Variants in EIF3E observed in about 807,000 individuals in gnomAD.
EIF3E encodes eIF-3 p48.
In EIF3E, 25 loss-of-function variants were observed where a neutral mutation model predicts 59.3. That is an observed-to-expected ratio of 0.42 (90% CI 0.31 to 0.59). The LOEUF (loss-of-function observed/expected upper bound fraction) is 0.59, where lower values mean the gene tolerates loss of function less well. Among genes scored for constraint, EIF3E ranks in the 20% least tolerant of loss-of-function variants. EIF3E has a pLI of 0.15. For synonymous variants in EIF3E, 176 were observed against 170.2 expected, an observed-to-expected ratio of 1.03 and a Z score of -0.26; for missense variants, 317 against 534.3, an observed-to-expected ratio of 0.59 and a Z score of 4.01.
At chr8:108,217,110 A>G (rs1815319116) in intron 8 of EIF3E, among the ~76,000 whole-genome samples, 1 of 152,176 alleles carries the variant, frequency 6.6e-6, no homozygotes, top group Non-Finnish European at 1.5e-5. Flanking sequence ...GTGTTCATCT[A>G]GCAGACAGTA....
At chr8:108,217,102 GT>G (rs1296128743) in intron 8 of EIF3E, among the ~76,000 whole-genome samples, 1 of 152,090 alleles carries the variant, frequency 6.6e-6, no homozygotes, top group East Asian at 1.9e-4. Context: ...TATATTAAGT[GT>G]TCATCTAGCA....
chr8:108,248,589 C>T (rs375387468), intron 1 of EIF3E, 24 bp downstream of exon 1: 55 of 1,612,810 alleles, frequency 3.4e-5, no homozygotes, highest in Non-Finnish European at 3.8e-5. Flanking sequence ...CCCACGCCTT[C>T]CTTGCGCCCA....
chr8:108,245,784 C>T (rs1815936825), intron 1 of EIF3E, among the ~76,000 whole-genome samples: 1 of 152,124 alleles, frequency 6.6e-6, no homozygotes, highest in African/African-American at 2.4e-5. Context: ...TCATAAAAAG[C>T]CTTTATGCCA....
chr8:108,232,211 G>A (rs1353787961), intron 5 of EIF3E, among the ~76,000 whole-genome samples: 1 of 152,092 alleles, frequency 6.6e-6, no homozygotes, highest in African/African-American at 2.4e-5. Flanking sequence ...ATTCTTTTAA[G>A]CTTGGCACTG....
intron 7 of EIF3E, chr8:108,227,769 A>G (rs1341026246): frequency 1.3e-5 from 2 of 152,216 alleles, no homozygotes; most frequent in African/African-American, 2.4e-5. Context: ...TGGAAGAGTA[A>G]ATTTTACAAA....
At chr8:108,204,782 C>CAGAG (rs1180539617) in intron 10 of EIF3E, among the ~76,000 whole-genome samples, 4 of 113,136 alleles carry the variant, frequency 3.5e-5, no homozygotes, top group Non-Finnish European at 5.4e-5. Flanking sequence ...GAGAGAGAGA[C>CAGAG]AGAGAGAGAG....
intron 1 of EIF3E, chr8:108,243,349 G>C (rs552427004): frequency 6.6e-6 from 1 of 152,436 alleles, no homozygotes; most frequent in Non-Finnish European, 1.5e-5. Flanking sequence ...TAAGGATGTC[G>C]CCAGGCGCAG....
intron 3 of EIF3E, among the ~76,000 whole-genome samples, chr8:108,237,868 T>C (rs1019103429): frequency 4.6e-5 from 7 of 152,214 alleles, no homozygotes; most frequent in African/African-American, 1.7e-4. Context: ...ATACTATATA[T>C]TCAATGAAAT....
intron 10 of EIF3E, among the ~76,000 whole-genome samples, chr8:108,212,718 CT>C (rs1815235155): frequency 6.6e-6 from 1 of 152,164 alleles, no homozygotes; most frequent in African/African-American, 2.4e-5. Flanking sequence ...ACGAGAATCT[CT>C]TGAACGCGAG....
At chr8:108,248,340 AATG>A (rs1815988415) in intron 1 of EIF3E, among the ~76,000 whole-genome samples, 1 of 152,164 alleles carries the variant, frequency 6.6e-6, no homozygotes, top group Admixed American at 6.5e-5. Context: ...TCCGAGAAGA[AATG>A]ATGCGAAAAT....
Position 108,241,988 on chromosome 8 carries a change from A to T in EIF3E, c.91-75T>A, listed in dbSNP as rs925026819. The T allele has an allele frequency of 6.6e-6, 8 of 1,212,190 alleles. No individual in the cohort carries two copies. The African/African-American group carries it at 9.3e-5, about 14-fold the overall frequency. The allele number at this position is 1,212,190 out of a possible 1,614,324, so 75.1% of individuals were successfully genotyped here. ...AACTGATTAATACTAAAACTAATTTACCTGGAAATATATTTCAAGAAATAC... is the reference window on the plus strand; with the variant it reads ...AACTGATTAATACTAAAACTAATTTTCCTGGAAATATATTTCAAGAAATAC... On this transcript the variant is annotated intron_variant, in intron 1 of 12. Transcript: ENST00000220849.
chr8:108,224,792 A>T (rs73306530), intron 7 of EIF3E, among the ~76,000 whole-genome samples: 3 of 151,272 alleles, frequency 2.0e-5, no homozygotes, highest in Non-Finnish European at 4.4e-5. Context: ...AAAAATTACT[A>T]AACTATAAAC....
At chr8:108,219,315 CA>C (rs1313846541) in intron 7 of EIF3E, among the ~76,000 whole-genome samples, 14 of 152,002 alleles carry the variant, frequency 9.2e-5, no homozygotes, top group Non-Finnish European at 1.9e-4. Flanking sequence ...CAGAAGCCAG[CA>C]AAATTTTTGT....
rs1586187140 is a variant in EIF3E at position 108,201,756 on chromosome 8, T to C, written c.*129A>G. 6.3e-6 allele frequency: 5 copies of C among 793,316 alleles called. No individual in the cohort carries two copies. In the East Asian group the frequency reaches 1.3e-4, roughly 21 times the overall value. 49.1% of individuals were successfully genotyped at this position (793,316 alleles called of 1,614,324 possible). On this transcript the variant is annotated 3_prime_UTR_variant, in exon 13 of 13. Coordinates refer to ENST00000220849, the MANE Select transcript of EIF3E (RefSeq NM_001568.3). Reference sequence around the variant, plus strand: ...CTGACAGCAAGATAAAATGAATCAATTTTATTCCAATTCTTCAAAATTTAT... The same window carrying C: ...CTGACAGCAAGATAAAATGAATCAACTTTATTCCAATTCTTCAAAATTTAT...
At chr8:108,233,961 T>C (rs1189778737) in intron 5 of EIF3E, among the ~76,000 whole-genome samples, 2 of 151,634 alleles carry the variant, frequency 1.3e-5, no homozygotes, top group African/African-American at 4.9e-5. Flanking sequence ...TTGATAACTG[T>C]AGAAGGCACT....
At chr8:108,226,139 C>G (rs565851251) in intron 7 of EIF3E, 16 of 151,330 alleles carry the variant, frequency 1.1e-4, no homozygotes, top group African/African-American at 3.9e-4. Flanking sequence ...TGAGGACTTA[C>G]TGTATACACC....
At chr8:108,239,466 T>G (rs1041668538) in intron 3 of EIF3E, among the ~76,000 whole-genome samples, 1 of 152,192 alleles carries the variant, frequency 6.6e-6, no homozygotes, top group African/African-American at 2.4e-5. Context: ...CCTCCCCAAG[T>G]GCTGAGATTA....
At chr8:108,215,706 T>A (rs1815289520) in intron 9 of EIF3E, among the ~76,000 whole-genome samples, 1 of 152,198 alleles carries the variant, frequency 6.6e-6, no homozygotes. Context: ...GTCAACAAAT[T>A]GCCCATTTTG....
intron 1 of EIF3E, chr8:108,243,170 T>C (rs1050852121): frequency 6.6e-6 from 1 of 152,176 alleles, no homozygotes; most frequent in Admixed American, 6.5e-5. Context: ...CCTAAAAACA[T>C]GATGACTCAC....
Sources: gnomAD v4.1 joint callset for allele counts (sites outside exome capture counted in the v4.1 genomes callset) on GRCh38, gnomAD v4.1.1 for gene constraint, MANE v1.5 for transcripts, NCBI Gene and HGNC (gene_info 2026-07-23, HGNC 2026-07-21) for gene names.